The following ERG variants were observed in gnomAD, a reference collection of about 807,000 sequenced individuals.
ERG encodes the protein transcriptional regulator ERG.
Under a neutral mutation model 55.3 loss-of-function variants are expected in ERG, and 9 were observed. The observed-to-expected ratio is 0.16, with a 90% CI of 0.10 to 0.28. ERG has a LOEUF of 0.28. Ranked by LOEUF, ERG falls within the 10% of genes least tolerant of loss-of-function variation. The pLI is 1.00. For missense variants in ERG, 434 were observed against 631.6 expected, an observed-to-expected ratio of 0.69 and a Z score of 3.35; for synonymous variants, 223 against 237.3, an observed-to-expected ratio of 0.94 and a Z score of 0.55.
chr21:38,579,880 GTA>G lies in ERG; in HGVS notation c.-126-4135_-126-4134del. Reference sequence around the variant, plus strand: ...CTGTTGCCCAGGCTGGAGTGCAGTGGTACGATCTCGGCTCACTGCAACCTCTG... The same window carrying G: ...CTGTTGCCCAGGCTGGAGTGCAGTGGCGATCTCGGCTCACTGCAACCTCTG... On this transcript the variant is annotated intron_variant, in intron 1 of 8. Transcript: ENST00000398897. Among the ~76,000 whole-genome samples, 3 of 151,630 alleles carry G rather than the reference GTA, an allele frequency of 2.0e-5. 1 individual carries two copies.
At chr21:38,616,435 C>T (rs1185478894) in intron 1 of ERG, among the ~76,000 whole-genome samples, 2 of 151,930 alleles carry the variant, frequency 1.3e-5, no homozygotes, top group East Asian at 1.9e-4. Context: ...ATTTTGCATA[C>T]CTTTGAACTG....
chr21:38,484,501 T>C (rs1437070904), intron 1 of ERG, among the ~76,000 whole-genome samples: 1 of 152,198 alleles, frequency 6.6e-6, no homozygotes, highest in Non-Finnish European at 1.5e-5. Flanking sequence ...CGTCCTTCAT[T>C]TCTCCAACTT....
intron 2 of ERG, among the ~76,000 whole-genome samples, chr21:38,427,765 C>A (rs1475681362): frequency 1.3e-5 from 2 of 152,190 alleles, no homozygotes; most frequent in Non-Finnish European, 2.9e-5. Flanking sequence ...ACATACTCTC[C>A]TACCCTGGGA....
At chr21:38,377,639 C>T (rs1335494284), downstream of ERG, among the ~76,000 whole-genome samples, 1 of 152,184 alleles carries the variant, frequency 6.6e-6, no homozygotes, top group Non-Finnish European at 1.5e-5. Context: ...CAGAATGGTT[C>T]GTGACTTCTA....
chr21:38,424,808 G>GACGCT (rs1157019385), intron 2 of ERG, among the ~76,000 whole-genome samples: 1 of 152,156 alleles, frequency 6.6e-6, no homozygotes, highest in African/African-American at 2.4e-5. Context: ...GGTGAGGACT[G>GACGCT]ACGCTAGGGG....
chr21:38,519,167 A>T, intron 2 of ERG, among the ~76,000 whole-genome samples: 1 of 152,246 alleles, frequency 6.6e-6, no homozygotes, highest in South Asian at 2.1e-4. Flanking sequence ...ACTCTCACAC[A>T]CAGCTGGAGT....
chr21:38,592,052 G>A (rs2060103588), intron 1 of ERG, among the ~76,000 whole-genome samples: 1 of 152,208 alleles, frequency 6.6e-6, no homozygotes, highest in Admixed American at 6.5e-5. Context: ...CAGCACAATG[G>A]TGGGGTCAGT....
rs2059029117 is a variant in ERG, at chr21:38,460,234, AGAACCAGGAGGT to A, written c.19-14625_19-14614del. ...GGGTTACTGGAAAGGAGCGAAAGAA[AGAACCAGGAGGT>A]GAACCAGGAAAGGCTGGGGGTGGTA... On this transcript the variant is annotated intron_variant, in intron 1 of 9. Transcript: ENST00000288319. This position sits in a 1 kb window ranked among gnomAD's most constrained non-coding sequence, Gnocchi z 5.0. Among the ~76,000 whole-genome samples, 1 of 152,150 alleles carries A rather than the reference AGAACCAGGAGGT, an allele frequency of 6.6e-6. No individual in the cohort carries two copies. The highest frequency in any genetic ancestry group is 6.5e-5 in the Admixed American group (1 of 15,282).
At chr21:38,426,659 G>A (rs1169824280) in intron 2 of ERG, among the ~76,000 whole-genome samples, 3 of 152,128 alleles carry the variant, frequency 2.0e-5, no homozygotes, top group Non-Finnish European at 4.4e-5. Flanking sequence ...GGCCAGGTGT[G>A]GTGACTCACG....
intron 3 of ERG, among the ~76,000 whole-genome samples, chr21:38,406,602 G>A (rs554668758): frequency 5.8e-4 from 89 of 152,154 alleles, no homozygotes; most frequent in Middle Eastern, 3.4e-3. Flanking sequence ...TTTGATGTTA[G>A]CGAAACCCAC....
At chr21:38,521,741 C>T (rs1299563315) in intron 2 of ERG, among the ~76,000 whole-genome samples, 1 of 152,154 alleles carries the variant, frequency 6.6e-6, no homozygotes, top group African/African-American at 2.4e-5. Context: ...TGACAAAGCT[C>T]CCCTGAGGAG....
intron 1 of ERG, among the ~76,000 whole-genome samples, chr21:38,582,901 C>T (rs1193892006): frequency 6.6e-6 from 1 of 152,158 alleles, no homozygotes; most frequent in South Asian, 2.1e-4. Flanking sequence ...CACGTGCTAC[C>T]ATGGCTGGCT....
chr21:38,407,593 T>C (rs1988827286), intron 3 of ERG, among the ~76,000 whole-genome samples: 1 of 143,418 alleles, frequency 7.0e-6, no homozygotes, highest in Admixed American at 7.0e-5. Context: ...ATACAAAATG[T>C]ATTCTCTATT....
At chr21:38,609,859 CA>C (rs768844628) in intron 1 of ERG, among the ~76,000 whole-genome samples, 9 of 152,180 alleles carry the variant, frequency 5.9e-5, no homozygotes, top group Non-Finnish European at 1.0e-4. Flanking sequence ...TGTGTTTCTT[CA>C]AAAAGACTCA....
chr21:38,379,558 T>C (rs1468831382), downstream of ERG, among the ~76,000 whole-genome samples: 1 of 152,212 alleles, frequency 6.6e-6, no homozygotes, highest in Non-Finnish European at 1.5e-5. Flanking sequence ...AAGTTTGTAA[T>C]TCACATATTC....
chr21:38,379,502 A>AT (rs146127356), downstream of ERG, among the ~76,000 whole-genome samples: 3,517 of 150,036 alleles, frequency 0.023, 83 homozygotes, highest in East Asian at 0.14. Flanking sequence ...TGAAAAAACC[A>AT]TTTTTTTTTT....
At chr21:38,572,901 AGAAAG>A in intron 2 of ERG, among the ~76,000 whole-genome samples, 1 of 152,354 alleles carries the variant, frequency 6.6e-6, no homozygotes, top group East Asian at 1.9e-4. Context: ...GTGTCTATGT[AGAAAG>A]GAAAGACATA....
At chr21:38,505,506 A>G (rs1054709961) in intron 2 of ERG, among the ~76,000 whole-genome samples, 1 of 152,202 alleles carries the variant, frequency 6.6e-6, no homozygotes, top group Admixed American at 6.5e-5. Flanking sequence ...CTGAACTGAA[A>G]TGATGATATC....
chr21:38,475,737 C>T (rs962842258), intron 1 of ERG, among the ~76,000 whole-genome samples: 4 of 152,198 alleles, frequency 2.6e-5, no homozygotes, highest in Non-Finnish European at 4.4e-5. Context: ...CTGCCACACT[C>T]TGTCTTCGTT....
Sources: gnomAD v4.1 joint callset for allele counts (sites outside exome capture counted in the v4.1 genomes callset) on GRCh38, gnomAD v4.1.1 for gene constraint, Gnocchi (gnomAD v3.1) non-coding constraint, MANE v1.5 for transcripts, NCBI Gene and HGNC (gene_info 2026-07-23, HGNC 2026-07-21) for gene names.